The following JPH2 variants were observed in gnomAD, a reference collection of about 807,000 sequenced individuals.
The protein encoded by JPH2 is junctophilin 2.
JPH2 carries 38 observed loss-of-function variants against 55.9 expected under a neutral mutation model. That is an observed-to-expected ratio of 0.68 (90% confidence interval 0.52 to 0.89). The LOEUF (loss-of-function observed/expected upper bound fraction) is 0.89, where lower values mean the gene tolerates loss of function less well. JPH2 is among the 40% of genes least tolerant of loss of function. The pLI, the probability that JPH2 is intolerant of heterozygous loss-of-function variation, is 0.00. For synonymous variants in JPH2, 480 were observed against 472.4 expected, an observed-to-expected ratio of 1.02 and a Z score of -0.21; for missense variants, 964 against 1,037.6, an observed-to-expected ratio of 0.93 and a Z score of 0.97.
intron 2 of JPH2, among the ~76,000 whole-genome samples, chr20:44,127,525 G>A (rs867720050): frequency 7.5e-4 from 109 of 144,968 alleles, no homozygotes; most frequent in Admixed American, 3.4e-3. Context: ...TCGCTCTGTC[G>A]CCCAGGCTGG....
At chr20:44,149,843 C>T (rs1462242166) in intron 2 of JPH2, among the ~76,000 whole-genome samples, 2 of 151,576 alleles carry the variant, frequency 1.3e-5, no homozygotes, top group African/African-American at 4.8e-5. Flanking sequence ...CTAGGAGTGG[C>T]GGCGCATGCC....
Position 44,138,140 on chromosome 20 carries a change from G to A in JPH2, c.1170-19517C>T, listed in dbSNP as rs915301086. 7.3e-5 allele frequency among the ~76,000 whole-genome samples: 11 copies of A among 150,172 alleles called. No homozygotes were observed. The South Asian group carries it at 1.1e-3, about 14-fold the overall frequency. On this transcript the variant is annotated intron_variant, in intron 2 of 5. Coordinates refer to ENST00000372980, the MANE Select transcript of JPH2 (RefSeq NM_020433.5). ...CTTCTGCCTCAGCCTCCTGAGTAGC[G>A]GGGATTACAGGTGCCCGCCACCACG...
At chr20:44,118,482 C>T (rs760039524) in intron 3 of JPH2, 23 bp downstream of exon 3, 15 of 1,567,034 alleles carry the variant, frequency 9.6e-6, no homozygotes, top group Non-Finnish European at 1.3e-5. Flanking sequence ...CTACCCTGCC[C>T]ATCCTTCCCT....
chr20:44,141,669 TA>T (rs1422422457), intron 2 of JPH2, among the ~76,000 whole-genome samples: 99 of 149,126 alleles, frequency 6.6e-4, no homozygotes, highest in African/African-American at 2.5e-3. Context: ...CTAATATTTT[TA>T]TTTTTTTATT....
intron 2 of JPH2, among the ~76,000 whole-genome samples, chr20:44,132,495 C>T (rs1037626923): frequency 1.3e-5 from 2 of 150,888 alleles, no homozygotes; most frequent in African/African-American, 4.9e-5. Flanking sequence ...ATCATCTCTA[C>T]AGCCTGCATC....
intron 2 of JPH2, among the ~76,000 whole-genome samples, chr20:44,155,003 G>A (rs532706168): frequency 2.6e-5 from 4 of 152,056 alleles, no homozygotes; most frequent in South Asian, 2.1e-4. Flanking sequence ...CAGCCTTCTC[G>A]GTGGGAGCTC....
chr20:44,166,936 C>T (rs1356643058), intron 1 of JPH2, among the ~76,000 whole-genome samples: 1 of 152,190 alleles, frequency 6.6e-6, no homozygotes. Context: ...CAAAACCTGG[C>T]AGGGGCCGCC....
chr20:44,156,962 T>C (rs2072570172), intron 2 of JPH2, among the ~76,000 whole-genome samples: 1 of 152,208 alleles, frequency 6.6e-6, no homozygotes, highest in Non-Finnish European at 1.5e-5. Flanking sequence ...TGTGCTAAAG[T>C]TTTTGAATCA....
chr20:44,182,607 C>T (rs2072794371), intron 1 of JPH2, among the ~76,000 whole-genome samples: 1 of 152,216 alleles, frequency 6.6e-6, no homozygotes, highest in Non-Finnish European at 1.5e-5. Flanking sequence ...GCCTCGGGGC[C>T]TTTGCAACAG....
At chr20:44,186,093 C>A (rs1026862014) in intron 1 of JPH2, among the ~76,000 whole-genome samples, 8 of 152,242 alleles carry the variant, frequency 5.3e-5, no homozygotes, top group African/African-American at 1.9e-4. Flanking sequence ...ACATGGCAGG[C>A]TTTGTACTAA....
chr20:44,149,316 C>T (rs977990390), intron 2 of JPH2, among the ~76,000 whole-genome samples: 19 of 152,240 alleles, frequency 1.2e-4, no homozygotes, highest in Admixed American at 1.2e-3. Context: ...GCTACAAGAG[C>T]CATGGTCCAG....
In JPH2 at chr20:44,186,626, C is replaced by A; in HGVS notation, c.80G>T (p.Gly27Val). 6.2e-7 allele frequency: 1 copy of A among 1,612,146 alleles called. No homozygotes were observed. The highest frequency in any genetic ancestry group is 8.5e-7 in the Non-Finnish European group (1 of 1,179,994). ...CTGGCCCTTGGGGCCTGTGCACAGT[C>A]CATGCCCATGGGCCTTTCCCCCCTC... ...GWEGGKAHGH[G>V]LCTGPKGQGE... Residue 27 changes from glycine (G) to valine (V), a missense_variant, in exon 1 of 6, where the codon GGA (glycine) becomes GTA (valine). By Grantham distance (109) the Gly-to-Val change is moderately radical. Coordinates refer to ENST00000372980, the MANE Select transcript of JPH2 (RefSeq NM_020433.5).
At chr20:44,147,885 G>T (rs1218716098) in intron 2 of JPH2, among the ~76,000 whole-genome samples, 1 of 152,172 alleles carries the variant, frequency 6.6e-6, no homozygotes, top group African/African-American at 2.4e-5. Flanking sequence ...CACAAGGGCC[G>T]GGCATGGTGG....
intron 2 of JPH2, among the ~76,000 whole-genome samples, chr20:44,151,822 T>A (rs149011669): frequency 4.2e-4 from 64 of 152,340 alleles, no homozygotes; most frequent in African/African-American, 1.5e-3. Flanking sequence ...CATTCCAGCA[T>A]TCTGGATGAC....
intron 2 of JPH2, among the ~76,000 whole-genome samples, chr20:44,153,262 C>T (rs57107578): frequency 0.018 from 2,754 of 152,304 alleles, 77 homozygotes; most frequent in African/African-American, 0.059. Flanking sequence ...ACATGAGCTA[C>T]TTCTTTTACT....
intron 2 of JPH2, among the ~76,000 whole-genome samples, chr20:44,137,305 C>T (rs537318626): frequency 1.1e-3 from 158 of 150,074 alleles, no homozygotes; most frequent in African/African-American, 3.3e-3. Context: ...AGTCAGCAGA[C>T]ATCTCCTGCC....
At position 44,111,679 on chromosome 20, in the gene JPH2, T is replaced by C. The variant is rs1200754208; in HGVS notation, c.*1839A>G. 2.8e-5 allele frequency: 4 copies of C among 141,938 alleles called. No individual in the cohort carries two copies. The highest frequency in any genetic ancestry group is 2.6e-4 in the South Asian group (1 of 3,818). The allele number at this position is 141,938 out of a possible 1,614,324, so 8.8% of individuals were successfully genotyped here. A position where few individuals can be genotyped will look rare whatever the true frequency, so the allele number is the denominator to read the frequency against. On this transcript the variant is annotated 3_prime_UTR_variant, in exon 6 of 6. Transcript: ENST00000372980. ...CCCTCATCCTGGACCCACAAGCACA[T>C]TGCAGCCCAGCCAGAGCCCGTGAGC...
chr20:44,121,862 G>A (rs528067374), intron 2 of JPH2, among the ~76,000 whole-genome samples: 18 of 151,940 alleles, frequency 1.2e-4, no homozygotes, highest in Non-Finnish European at 1.5e-4. Context: ...GTGTGGTGGC[G>A]CACACCTGTA....
chr20:44,123,758 G>A (rs913899998), intron 2 of JPH2, among the ~76,000 whole-genome samples: 3 of 152,208 alleles, frequency 2.0e-5, no homozygotes, highest in African/African-American at 7.2e-5. Context: ...GAATTTGAAG[G>A]GAACGAGCCT....
Sources: gnomAD v4.1 joint callset for allele counts (sites outside exome capture counted in the v4.1 genomes callset) on GRCh38, gnomAD v4.1.1 for gene constraint, MANE v1.5 for transcripts, NCBI Gene and HGNC (gene_info 2026-07-23, HGNC 2026-07-21) for gene names.